NT5DC3: variants seen among roughly 807,000 people sequenced by gnomAD.
NT5DC3 encodes the protein 5'-nucleotidase domain containing 3.
NT5DC3 carries 42 observed loss-of-function variants against 67.8 expected under a neutral mutation model. The ratio of observed to expected loss-of-function variants is 0.62; its 90% confidence interval spans 0.48 to 0.80. The LOEUF (loss-of-function observed/expected upper bound fraction) is 0.80, where lower values mean the gene tolerates loss of function less well. NT5DC3 is among the 30% of genes least tolerant of loss of function. The pLI is 0.00. For missense variants in NT5DC3, 570 were observed against 696.4 expected, an observed-to-expected ratio of 0.82 and a Z score of 2.04; for synonymous variants, 237 against 255.6, an observed-to-expected ratio of 0.93 and a Z score of 0.69.
the NT5DC3 span, chr12:103,763,689 C>A: frequency 2.4e-6 from 3 of 1,260,130 alleles, no homozygotes; most frequent in Non-Finnish European, 2.3e-6. Context: ...CAGTGGAGAT[C>A]TTTGTACCAA....
the NT5DC3 span, chr12:103,749,273 GCA>G: frequency 2.6e-6 from 3 of 1,168,826 alleles, no homozygotes; most frequent in African/African-American, 3.1e-5. Context: ...ATTTTTTCTA[GCA>G]CAGTCTGTTT....
intron 1 of NT5DC3, among the ~76,000 whole-genome samples, chr12:103,834,109 T>A (rs1888047077): frequency 6.6e-6 from 1 of 152,160 alleles, no homozygotes; most frequent in Admixed American, 6.5e-5. Context: ...CTCCCCTGGC[T>A]GTGACAAAAA....
intron 1 of NT5DC3, among the ~76,000 whole-genome samples, chr12:103,832,429 G>C (rs1017087765): frequency 4.6e-5 from 7 of 152,066 alleles, no homozygotes; most frequent in African/African-American, 1.7e-4. Context: ...AGGTGATTCC[G>C]ATGTGCCTAT....
chr12:103,828,023 A>C (rs556583067), intron 1 of NT5DC3, among the ~76,000 whole-genome samples: 5 of 152,370 alleles, frequency 3.3e-5, no homozygotes, highest in African/African-American at 1.2e-4. Context: ...ACCATGAACC[A>C]GTCAGACCAC....
At chr12:103,765,947 G>C (rs970991087), downstream of NT5DC3, 1 of 396,888 alleles carries the variant, frequency 2.5e-6, no homozygotes, top group African/African-American at 2.1e-5. Flanking sequence ...GCCACCTTTT[G>C]TGAGGTGCTT....
At position 103,796,932 on chromosome 12, in the gene NT5DC3, T is replaced by A. The variant is rs1886342567; in HGVS notation, c.715A>T (p.Ile239Phe). 6.2e-7 allele frequency: 1 copy of A among 1,613,830 alleles called. No individual in the cohort carries two copies. Among genetic ancestry groups the A allele is most frequent in the African/African-American group, 1.3e-5 (1 of 74,900 alleles). The change falls in exon 6 of 14, where the codon ATC becomes TTC. Residue 239 changes from isoleucine (I) to phenylalanine (F), a missense_variant. Ile to Phe is a conservative substitution (Grantham distance 21, BLOSUM62 0). Transcript: ENST00000392876. Reference protein sequence around the residue: ...CVNEYFLKNNIDYEPVHLYKD... With the variant: ...CVNEYFLKNNFDYEPVHLYKD... ...TACAGATGCACAGGCTCATAGTCGA[T>A]GTTGTTCTTGAGGAAGTATTCATTC... is the stretch of plus-strand genomic sequence containing the variant.
At chr12:103,770,037 A>C (rs1400731396), downstream of NT5DC3, among the ~76,000 whole-genome samples, 2 of 152,158 alleles carry the variant, frequency 1.3e-5, no homozygotes, top group Admixed American at 1.3e-4. Context: ...AGTTTCTCTA[A>C]ATCTGCAGTT....
At chr12:103,765,201 T>C in the NT5DC3 span, among the ~76,000 whole-genome samples, 1 of 150,784 alleles carries the variant, frequency 6.6e-6, no homozygotes, top group African/African-American at 2.4e-5. Flanking sequence ...AACAAATGCA[T>C]ACATCCTCTC....
chr12:103,748,941 C>A, the NT5DC3 span: 1 of 1,603,380 alleles, frequency 6.2e-7, no homozygotes, highest in East Asian at 2.2e-5. Context: ...TAAGTTGAGC[C>A]CTCTCTCCTC....
intron 1 of NT5DC3, among the ~76,000 whole-genome samples, chr12:103,818,988 GC>G (rs1272004683): frequency 2.0e-5 from 3 of 152,230 alleles, no homozygotes; most frequent in African/African-American, 7.2e-5. Context: ...CAAACAGCCT[GC>G]TTAATTAGAA....
chr12:103,788,904 C>G lies in NT5DC3; in HGVS notation c.1035G>C (p.Met345Ile), dbSNP rs1393778593. The G allele has an allele frequency of 1.2e-6, 2 of 1,612,438 alleles. No individual in the cohort carries two copies. Residue 345 changes from methionine to isoleucine, a missense_variant, in exon 10 of 14, where the codon ATG (methionine) becomes ATC (isoleucine). By Grantham distance (10) the Met-to-Ile change is conservative. This residue lies in a region of NT5DC3 where 466 missense variants were observed against 608.0 expected (regional missense o/e 0.77). Coordinates refer to ENST00000392876, the MANE Select transcript of NT5DC3 (RefSeq NM_001031701.3). The stretch of plus-strand genomic sequence containing the variant: ...CCCAGAGTAAGACACCTTTCTCATT[C>G]ATCTTTCGGAAAGGCCTAACAACAG... ...FNDKRRPFRK[M>I]NEKGVLLWDK...
chr12:103,772,168 G>A (rs1384162033), downstream of NT5DC3: 2 of 151,976 alleles, frequency 1.3e-5, no homozygotes, highest in Non-Finnish European at 2.9e-5. Flanking sequence ...TTTAATCCAA[G>A]ATCTCCTTTA....
At chr12:103,781,548 AG>A (rs1040944143) in intron 12 of NT5DC3, among the ~76,000 whole-genome samples, 1 of 152,122 alleles carries the variant, frequency 6.6e-6, no homozygotes, top group African/African-American at 2.4e-5. Context: ...TCTCTCTCAT[AG>A]GAACAGCCCT....
intron 2 of NT5DC3, among the ~76,000 whole-genome samples, chr12:103,812,375 T>C (rs1483264396): frequency 6.6e-6 from 1 of 152,236 alleles, no homozygotes; most frequent in East Asian, 1.9e-4. Context: ...ACTCTACTAA[T>C]ATGCCTGATA....
chr12:103,753,154 T>A, the NT5DC3 span: 3 of 1,590,772 alleles, frequency 1.9e-6, no homozygotes, highest in African/African-American at 4.0e-5. Flanking sequence ...TCCTTCAGAG[T>A]CCATTGTTGG....
chr12:103,752,520 G>T, the NT5DC3 span, among the ~76,000 whole-genome samples: 2 of 152,162 alleles, frequency 1.3e-5, no homozygotes, highest in Non-Finnish European at 2.9e-5. Flanking sequence ...GGTTAGGAAA[G>T]GTATCAGCTA....
the NT5DC3 span, chr12:103,762,488 G>A: frequency 3.8e-5 from 61 of 1,593,088 alleles, no homozygotes; most frequent in East Asian, 3.4e-4. Flanking sequence ...CGGTGGCTGC[G>A]CCAGAGTCCT....
chr12:103,834,699 A>T (rs1191187199), intron 1 of NT5DC3, among the ~76,000 whole-genome samples: 1 of 152,190 alleles, frequency 6.6e-6, no homozygotes, highest in Admixed American at 6.5e-5. Context: ...AAAGTTTTTA[A>T]AAAAACTTTT....
intron 1 of NT5DC3, among the ~76,000 whole-genome samples, chr12:103,823,619 C>T (rs1887576500): frequency 1.3e-5 from 2 of 152,112 alleles, no homozygotes; most frequent in African/African-American, 2.4e-5. Context: ...CCCAGATATT[C>T]CAAATACTTT....
Sources: allele counts gnomAD v4.1 joint callset (sites outside exome capture counted in the v4.1 genomes callset), GRCh38; gene constraint gnomAD v4.1.1; regional missense constraint gnomAD v4.1.1; transcripts MANE v1.5; gene names NCBI Gene and HGNC (gene_info 2026-07-23, HGNC 2026-07-21).